The following LONRF3 variants were observed in gnomAD, a reference collection of about 807,000 sequenced individuals.
The protein encoded by LONRF3 is LON peptidase N-terminal domain and ring finger 3, also known as LON peptidase N-terminal domain and RING finger protein 3.
LONRF3 carries 19 observed loss-of-function variants against 51.7 expected under a neutral mutation model. That is an observed-to-expected ratio of 0.37 (90% CI 0.26 to 0.54). The LOEUF is 0.54. Among genes scored for constraint, LONRF3 ranks in the 20% least tolerant of loss-of-function variants. LONRF3 has a pLI of 0.86. For missense variants in LONRF3, 521 were observed against 623.9 expected, an observed-to-expected ratio of 0.84 and a Z score of 1.76; for synonymous variants, 265 against 257.8, an observed-to-expected ratio of 1.03 and a Z score of -0.27.
rs192986439 is a variant in LONRF3, at chrX:119,012,260, G to A, written c.1811+287G>A. ...AACTGCCTGCTTTCATTATCTAGTTGCAGCCTTGGAGCAAGTTTGAGTTTG... is the reference window on the plus strand; with the variant it reads ...AACTGCCTGCTTTCATTATCTAGTTACAGCCTTGGAGCAAGTTTGAGTTTG... On this transcript the variant is annotated intron_variant, in intron 8 of 10. Transcript: ENST00000371628. Among the ~76,000 whole-genome samples, 103 of 108,660 alleles carry A rather than the reference G, an allele frequency of 9.5e-4. 1 individual carries two copies. Among genetic ancestry groups the A allele is most frequent in the African/African-American group, 3.3e-3 (99 of 29,876 alleles). 94.4% of individuals were successfully genotyped at this position (108,660 alleles called of 115,157 possible).
chrX:118,977,115 A>G (rs922510804), intron 1 of LONRF3, among the ~76,000 whole-genome samples: 2 of 111,489 alleles, frequency 1.8e-5, no homozygotes, highest in African/African-American at 6.5e-5. Flanking sequence ...ACAATTTGCT[A>G]ATGTCTTAAG....
At chrX:119,015,235 T>C (rs2124401) in intron 10 of LONRF3, among the ~76,000 whole-genome samples, 43,816 of 110,663 alleles carry the variant, frequency 0.4, 6,559 homozygotes, top group African/African-American at 0.51. Flanking sequence ...CATCCCCAAC[T>C]CTGTCACAAA....
chrX:118,996,090 T>C (rs1923848425), intron 5 of LONRF3, among the ~76,000 whole-genome samples: 1 of 111,843 alleles, frequency 8.9e-6, no homozygotes, highest in African/African-American at 3.2e-5. Context: ...TTGCTGAGAG[T>C]GTTAATCATA....
chrX:119,017,050 G>A (rs1406759501), intron 10 of LONRF3, among the ~76,000 whole-genome samples: 2 of 112,056 alleles, frequency 1.8e-5, no homozygotes, highest in Admixed American at 1.9e-4. Flanking sequence ...ACAAGATGGA[G>A]GGGCTAAGTC....
At chrX:119,011,039 G>C (rs1038708883) in intron 7 of LONRF3, among the ~76,000 whole-genome samples, 1 of 108,306 alleles carries the variant, frequency 9.2e-6, no homozygotes, top group Non-Finnish European at 1.9e-5. Flanking sequence ...GCTTGAACCC[G>C]GGAGGCGGAG....
At chrX:118,984,905 A>G (rs1330229166) in intron 3 of LONRF3, among the ~76,000 whole-genome samples, 2 of 112,076 alleles carry the variant, frequency 1.8e-5, no homozygotes, top group African/African-American at 6.5e-5. Context: ...GTTGACATTT[A>G]TAAGCTGCCT....
rs1425143981 is a variant in LONRF3 at position 118,975,093 on chromosome X, G to A, written c.313G>A (p.Glu105Lys). Residue 105 changes from glutamate to lysine, a missense_variant, in exon 1 of 11, where the codon GAG (glutamate) becomes AAG (lysine). By Grantham distance (56) the Glu-to-Lys change is moderately conservative. Transcript: ENST00000371628. ...ERQQLVAEQL[E>K]QLVRCLAEKV... ...GCAGCAGCTGGTGGCTGAGCAGCTG[G>A]AGCAGCTGGTGCGCTGCCTGGCGGA... is the stretch of plus-strand genomic sequence containing the variant. The A allele has an allele frequency of 1.7e-6, 2 of 1,172,291 alleles. No homozygotes were observed. The highest frequency in any genetic ancestry group is 2.3e-6 in the Non-Finnish European group (2 of 876,225).
intron 1 of LONRF3, 127 bp downstream of exon 1, chrX:118,975,724 G>GGGGGGGGGGGGCCCCC: frequency 4.5e-6 from 2 of 442,485 alleles, no homozygotes; most frequent in Non-Finnish European, 7.1e-6. Context: ...CCCATGGACT[G>GGGGGGGGGGGGCCCCC]TGGCGGGGTG....
intron 2 of LONRF3, among the ~76,000 whole-genome samples, chrX:118,979,530 T>G (rs1922393311): frequency 1.9e-5 from 2 of 106,847 alleles, no homozygotes; most frequent in Non-Finnish European, 3.8e-5. Flanking sequence ...CCTCAAGCAA[T>G]CCACTTGCCT....
intron 4 of LONRF3, 28 bp from the exon 5 acceptor site, chrX:118,990,442 C>G: frequency 8.8e-7 from 1 of 1,141,996 alleles, no homozygotes; most frequent in Non-Finnish European, 1.2e-6. Context: ...GTGGCTCCAG[C>G]GCTGACTTCT....
chrX:119,006,611 G>A (rs1049174303), intron 6 of LONRF3, among the ~76,000 whole-genome samples: 1 of 103,446 alleles, frequency 9.7e-6, no homozygotes, highest in South Asian at 4.3e-4. Context: ...TTGTTGAGAC[G>A]GAGTCTCGCT....
At chrX:119,013,346 G>C in intron 9 of LONRF3, 145 bp downstream of exon 9, 1 of 610,079 alleles carries the variant, frequency 1.6e-6, no homozygotes, top group Non-Finnish European at 2.5e-6. Flanking sequence ...AATGCTGCTG[G>C]ATTGCTGTCC....
intron 1 of LONRF3, 27 bp downstream of exon 1, chrX:118,975,624 G>C: frequency 9.1e-7 from 1 of 1,098,118 alleles, no homozygotes; most frequent in South Asian, 2.2e-5. Context: ...GCCGGGCCGG[G>C]GCTGGGGCTC....
At chrX:119,014,704 AG>A (rs1925323733) in intron 10 of LONRF3, among the ~76,000 whole-genome samples, 1 of 111,506 alleles carries the variant, frequency 9.0e-6, no homozygotes, top group South Asian at 3.8e-4. Context: ...TTACATGCAA[AG>A]GCCAGGACTT....
At chrX:119,013,514 G>T (rs1345488530) in intron 9 of LONRF3, among the ~76,000 whole-genome samples, 1 of 111,410 alleles carries the variant, frequency 9.0e-6, no homozygotes, top group African/African-American at 3.3e-5. Context: ...ATCTGGGGTG[G>T]GTCTATACAT....
At chrX:119,003,317 G>C (rs951597359) in intron 5 of LONRF3, among the ~76,000 whole-genome samples, 6 of 111,654 alleles carry the variant, frequency 5.4e-5, no homozygotes, top group African/African-American at 2.0e-4. Flanking sequence ...GCCAGCCACT[G>C]TGCCTGGCTA....
At chrX:119,014,021 C>T (rs1458428521) in intron 9 of LONRF3, among the ~76,000 whole-genome samples, 186 bp from the exon 10 acceptor site, 3 of 111,750 alleles carry the variant, frequency 2.7e-5, no homozygotes, top group Non-Finnish European at 5.6e-5. Flanking sequence ...CCATGGTCAG[C>T]AGTATCTACA....
In LONRF3 at chrX:118,975,509, G is replaced by C; in HGVS notation, c.729G>C (p.Ala243=). 2 of 1,205,418 alleles carry C rather than the reference G, an allele frequency of 1.7e-6. No individual in the cohort carries two copies. The highest frequency in any genetic ancestry group is 3.5e-5 in the African/African-American group (2 of 57,401). Residue 243 remains alanine (A), a synonymous_variant, in exon 1 of 11, where the codon GCG becomes GCC. Transcript: ENST00000371628. ...AGTTGTTTCCAGGCCCAGCGCGAGC[G>C]TCGCAACTCCGGCACGAGGGCAACC... is the stretch of plus-strand genomic sequence containing the variant. ...LGKLFPGPAR[A]SQLRHEGNRL...
chrX:118,993,725 A>G lies in LONRF3; in HGVS notation c.1415+3165A>G, dbSNP rs1009075118. Among the ~76,000 whole-genome samples, 21 of 112,014 alleles carry G rather than the reference A, an allele frequency of 1.9e-4. 2 individuals carry two copies. In the Admixed American group the frequency reaches 1.9e-3, roughly 10 times the overall value. ...CAGATCCTCACCTAGGCACATTGTC[A>G]TCAGATTATCCAAAGTTAAGATGAA... On this transcript the variant is annotated intron_variant, in intron 5 of 10. Transcript: ENST00000371628.
Sources: gnomAD v4.1 joint callset for allele counts (sites outside exome capture counted in the v4.1 genomes callset) on GRCh38, gnomAD v4.1.1 for gene constraint, MANE v1.5 for transcripts, NCBI Gene and HGNC (gene_info 2026-07-23, HGNC 2026-07-21) for gene names.